The following RICTOR variants were observed in gnomAD, a reference collection of about 807,000 sequenced individuals.
RICTOR encodes RPTOR independent companion of MTOR complex 2.
In RICTOR, 49 loss-of-function variants were observed where a neutral mutation model predicts 214.9. That is an observed-to-expected ratio of 0.23 (90% confidence interval 0.18 to 0.29). RICTOR has a LOEUF of 0.29. Ranked by LOEUF, RICTOR falls within the 10% of genes least tolerant of loss-of-function variation. The pLI is 1.00. For synonymous variants in RICTOR, 717 were observed against 711.3 expected, an observed-to-expected ratio of 1.01 and a Z score of -0.13; for missense variants, 1,625 against 2,047.0, an observed-to-expected ratio of 0.79 and a Z score of 3.98.
intron 2 of RICTOR, among the ~76,000 whole-genome samples, chr5:39,025,697 T>C (rs1283054002): frequency 1.3e-5 from 2 of 152,166 alleles, no homozygotes; most frequent in Non-Finnish European, 2.9e-5. Flanking sequence ...GGTGGGGAAA[T>C]GGGGCTAGAG....
intron 7 of RICTOR, among the ~76,000 whole-genome samples, chr5:38,985,232 T>A (rs1468160554): frequency 6.6e-6 from 1 of 152,210 alleles, no homozygotes; most frequent in Non-Finnish European, 1.5e-5. Context: ...GTCCTTTATA[T>A]AAAATGGCAT....
In RICTOR at chr5:38,947,315, T is replaced by C; in HGVS notation, c.4263A>G (p.Ser1421=). ...SMVSSATYGG[S]DDYIGLALPV... is the part of the protein sequence containing the mutation. The stretch of plus-strand genomic sequence containing the variant: ...GGAGAGCAAGACCAATGTAATCATC[T>C]GAACCCCCATATGTGGCACTGGACA... The change falls in exon 32 of 38, where the codon TCA becomes TCG. Residue 1421 remains serine, a synonymous_variant. Coordinates refer to ENST00000357387, the MANE Select transcript of RICTOR (RefSeq NM_152756.5). 6.2e-7 allele frequency: 1 copy of C among 1,613,242 alleles called. No individual in the cohort carries two copies. Among genetic ancestry groups the C allele is most frequent in the Non-Finnish European group, 8.5e-7 (1 of 1,179,306 alleles).
chr5:38,950,318 C>G lies in RICTOR; in HGVS notation c.3530G>C (p.Ser1177Thr), dbSNP rs540821233. ...GAATTTTAAGTCATTTTCTCCAATG[C>G]TTGGTGTACTACCAGTGTCTTCAAT... Reference protein sequence around the residue: ...KHIEDTGSTPSIGENDLKFTK... With the variant: ...KHIEDTGSTPTIGENDLKFTK... The change falls in exon 31 of 38, where the codon AGC (serine) becomes ACC (threonine). Residue 1177 changes from serine (S) to threonine (T), a missense_variant. Ser to Thr is a moderately conservative substitution (Grantham distance 58). Around this residue, in one of 5 missense-constraint regions of RICTOR, gnomAD observed 1,214 missense variants for 1,470.5 expected, o/e 0.83. Coordinates refer to ENST00000357387, the MANE Select transcript of RICTOR (RefSeq NM_152756.5). The G allele has an allele frequency of 9.9e-6, 16 of 1,613,496 alleles. No individual in the cohort carries two copies. In the South Asian group the frequency reaches 1.6e-4, roughly 17 times the overall value.
intron 2 of RICTOR, among the ~76,000 whole-genome samples, chr5:39,056,601 C>G (rs1008590728): frequency 6.6e-6 from 1 of 151,910 alleles, no homozygotes; most frequent in Admixed American, 6.6e-5. Context: ...CATGCCACTG[C>G]CCTCCAGCCT....
intron 2 of RICTOR, among the ~76,000 whole-genome samples, chr5:39,037,435 A>G (rs2150162045): frequency 6.6e-6 from 1 of 152,214 alleles, no homozygotes; most frequent in Non-Finnish European, 1.5e-5. Context: ...AACACATTCA[A>G]AAGCTAGCAG....
At chr5:39,046,016 G>C (rs1757465122) in intron 2 of RICTOR, among the ~76,000 whole-genome samples, 1 of 81,586 alleles carries the variant, frequency 1.2e-5, no homozygotes, top group Admixed American at 1.2e-4. Flanking sequence ...TCTTTCACTA[G>C]CTCTGTCTTT....
chr5:39,002,138 T>C (rs1364166002), intron 5 of RICTOR, among the ~76,000 whole-genome samples: 5 of 142,792 alleles, frequency 3.5e-5, no homozygotes, highest in Middle Eastern at 3.4e-3. Flanking sequence ...GAATAAATTG[T>C]GGTCTATTTA....
In RICTOR at chr5:39,041,047, T is replaced by C. The variant is rs183795617; in HGVS notation, c.98-19911A>G. On this transcript the variant is annotated intron_variant, in intron 2 of 37. Transcript: ENST00000357387. The stretch of plus-strand genomic sequence containing the variant: ...GAGAATAGGAAACCTGTCTGTCTGT[T>C]TACAGATGCATCCTGGCCTCTGGCA... 2.0e-5 allele frequency among the ~76,000 whole-genome samples: 3 copies of C among 152,352 alleles called. No homozygotes were observed. In the East Asian group the frequency reaches 5.8e-4, roughly 29 times the overall value.
At chr5:39,012,023 T>C (rs1193195212) in intron 3 of RICTOR, among the ~76,000 whole-genome samples, 1 of 152,074 alleles carries the variant, frequency 6.6e-6, no homozygotes, top group African/African-American at 2.4e-5. Context: ...AATTATAAGG[T>C]TTGGCTCTGT....
chr5:39,003,657 GTTGTA>G (rs1374088613), intron 3 of RICTOR, 35 bp from the exon 4 acceptor site: 1 of 1,377,042 alleles, frequency 7.3e-7, no homozygotes, highest in African/African-American at 1.4e-5. Flanking sequence ...GCATTTATGT[GTTGTA>G]TATTTTCACA....
In RICTOR at chr5:39,021,158, T is replaced by G. The variant is rs200264971; in HGVS notation, c.98-22A>C. On this transcript the variant is annotated intron_variant, in intron 2 of 37. Coordinates refer to ENST00000357387, the MANE Select transcript of RICTOR (RefSeq NM_152756.5). ...GGTTCTAGAAGGAAAGACAAGACAA[T>G]TTAACACAATTTTATGAGTATTTTC... The G allele has an allele frequency of 8.9e-6, 11 of 1,231,606 alleles. No individual in the cohort carries two copies. The East Asian group carries it at 2.6e-4, about 29-fold the overall frequency. 76.3% of individuals were successfully genotyped at this position (1,231,606 alleles called of 1,614,324 possible). A position where few individuals can be genotyped will look rare whatever the true frequency, so the allele number is the denominator to read the frequency against.
At chr5:38,961,478 A>G (rs1254021130) in intron 19 of RICTOR, among the ~76,000 whole-genome samples, 2 of 152,152 alleles carry the variant, frequency 1.3e-5, no homozygotes, top group African/African-American at 2.4e-5. Flanking sequence ...ATCTTTCAAC[A>G]TTATATCTTT....
chr5:38,972,078 ATT>A (rs997868525), intron 10 of RICTOR, 119 bp from the exon 11 acceptor site: 2 of 562,668 alleles, frequency 3.6e-6, no homozygotes, highest in African/African-American at 3.8e-5. Context: ...TTATGATACT[ATT>A]TGGTCATCAT....
intron 3 of RICTOR, among the ~76,000 whole-genome samples, chr5:39,010,180 T>A: frequency 6.6e-6 from 1 of 152,186 alleles, no homozygotes; most frequent in East Asian, 1.9e-4. Flanking sequence ...CAGTGAGTTC[T>A]CACGAGATCT....
intron 2 of RICTOR, among the ~76,000 whole-genome samples, chr5:39,040,275 C>T (rs940297738): frequency 2.3e-5 from 3 of 132,328 alleles, no homozygotes; most frequent in Non-Finnish European, 3.0e-5. Flanking sequence ...AATGAGAACA[C>T]ATGGACACAG....
At chr5:39,011,223 G>A (rs1415396702) in intron 3 of RICTOR, among the ~76,000 whole-genome samples, 1 of 152,192 alleles carries the variant, frequency 6.6e-6, no homozygotes, top group Non-Finnish European at 1.5e-5. Context: ...GATGGTGCAA[G>A]CCCCAAGCCT....
chr5:39,020,039 A>G (rs1755277885), intron 3 of RICTOR, among the ~76,000 whole-genome samples: 1 of 152,192 alleles, frequency 6.6e-6, no homozygotes, highest in Non-Finnish European at 1.5e-5. Context: ...AAGAAATAGC[A>G]AGAGAACTAG....
chr5:38,987,668 T>G (rs1028369501), intron 7 of RICTOR, among the ~76,000 whole-genome samples: 1 of 148,312 alleles, frequency 6.7e-6, no homozygotes, highest in Non-Finnish European at 1.5e-5. Context: ...GCTCCTGGAT[T>G]CATTCGTTTT....
chr5:39,061,872 T>C (rs1758565129), intron 2 of RICTOR, among the ~76,000 whole-genome samples: 2 of 152,024 alleles, frequency 1.3e-5, no homozygotes, highest in African/African-American at 4.8e-5. Context: ...TATACTTGTG[T>C]ATTCAAAACA....
Sources: gnomAD v4.1 joint callset for allele counts (sites outside exome capture counted in the v4.1 genomes callset) on GRCh38, gnomAD v4.1.1 for gene constraint, gnomAD v4.1.1 regional missense constraint, MANE v1.5 for transcripts, NCBI Gene and HGNC (gene_info 2026-07-23, HGNC 2026-07-21) for gene names.